SEMA5A: variants seen among roughly 807,000 people sequenced by gnomAD.
The protein encoded by SEMA5A is semaphorin-5A.
Under a neutral mutation model 135.5 loss-of-function variants are expected in SEMA5A, and 55 were observed. That is an observed-to-expected ratio of 0.41 (90% CI 0.33 to 0.51). SEMA5A has a LOEUF of 0.51. Ranked by LOEUF, SEMA5A falls within the 20% of genes least tolerant of loss-of-function variation. The pLI is 0.37. For synonymous variants in SEMA5A, 580 were observed against 546.5 expected (o/e 1.06, Z -0.85); for missense variants, 1,290 against 1,419.9 (o/e 0.91, Z 1.47).
At chr5:9,359,349 T>C (rs1000112555) in intron 3 of SEMA5A, among the ~76,000 whole-genome samples, 5 of 152,236 alleles carry the variant, frequency 3.3e-5, no homozygotes, top group African/African-American at 4.8e-5. Flanking sequence ...AATGGCATAC[T>C]GTATGTAAGG....
intron 1 of SEMA5A, among the ~76,000 whole-genome samples, chr5:9,479,641 G>GGTAA (rs1390106668): frequency 6.6e-6 from 1 of 152,138 alleles, no homozygotes; most frequent in Non-Finnish European, 1.5e-5. Context: ...AACATGATGT[G>GGTAA]GGTAAGATTT....
chr5:9,323,860 C>T (rs1463108761), intron 4 of SEMA5A, among the ~76,000 whole-genome samples: 1 of 151,324 alleles, frequency 6.6e-6, no homozygotes, highest in Non-Finnish European at 1.5e-5. Context: ...CAGGGTTTCA[C>T]CATGTTAGCC....
At chr5:9,265,306 C>A (rs1408206088) in intron 5 of SEMA5A, 12 of 392,198 alleles carry the variant, frequency 3.1e-5, no homozygotes, top group Non-Finnish European at 5.7e-5. Flanking sequence ...AGACAAATAA[C>A]CTCCTTATTA....
intron 9 of SEMA5A, 46 bp from the exon 10 acceptor site, chr5:9,197,349 CACCTGCTG>C (rs763774308): frequency 6.3e-7 from 1 of 1,596,302 alleles, no homozygotes; most frequent in Non-Finnish European, 8.5e-7. Context: ...AGCTCGGCAG[CACCTGCTG>C]ACCTCCCCCT....
intron 8 of SEMA5A, among the ~76,000 whole-genome samples, chr5:9,215,956 C>T (rs1173964640): frequency 5.9e-5 from 9 of 152,034 alleles, no homozygotes; most frequent in Admixed American, 3.3e-4. Context: ...GAGAGATTTG[C>T]CCTTTAAACA....
intron 11 of SEMA5A, among the ~76,000 whole-genome samples, chr5:9,157,818 G>A (rs1806099): frequency 0.55 from 83,381 of 151,632 alleles, 25,615 homozygotes; most frequent in Middle Eastern, 0.76. Context: ...AGACAGAGAT[G>A]GCCCTATAGA....
intron 11 of SEMA5A, among the ~76,000 whole-genome samples, chr5:9,187,202 T>C (rs1462587005): frequency 6.6e-6 from 1 of 151,678 alleles, no homozygotes; most frequent in Middle Eastern, 3.2e-3. Flanking sequence ...ACATAAAGAC[T>C]GTATGTTAAA....
At chr5:9,440,697 C>T (rs1189816055) in intron 1 of SEMA5A, among the ~76,000 whole-genome samples, 1 of 152,230 alleles carries the variant, frequency 6.6e-6, no homozygotes, top group East Asian at 1.9e-4. Flanking sequence ...TTATAACTTA[C>T]TAAGTGCTCA....
chr5:9,517,031 A>T (rs1369940219), intron 1 of SEMA5A: 1 of 152,224 alleles, frequency 6.6e-6, no homozygotes, highest in Non-Finnish European at 1.5e-5. Context: ...AGTGCACTTC[A>T]TGACTATCAT....
intron 12 of SEMA5A, among the ~76,000 whole-genome samples, chr5:9,139,605 T>C (rs961590382): frequency 3.9e-5 from 6 of 152,242 alleles, no homozygotes; most frequent in Admixed American, 2.0e-4. Flanking sequence ...ATCTCTTTCA[T>C]GAGTCATTCA....
At chr5:9,277,027 C>A (rs1390376889) in intron 5 of SEMA5A, among the ~76,000 whole-genome samples, 4 of 152,066 alleles carry the variant, frequency 2.6e-5, no homozygotes, top group Admixed American at 6.5e-5. Flanking sequence ...GAACAGGCAA[C>A]CCAAAGAAAG....
chr5:9,153,067 C>CAAAA (rs1300237290), intron 12 of SEMA5A, among the ~76,000 whole-genome samples: 6 of 59,104 alleles, frequency 1.0e-4, no homozygotes, highest in Admixed American at 4.2e-4. Context: ...GACTCCATTT[C>CAAAA]AGAAAAAAAA....
chr5:9,063,945 A>G (rs1579326456), intron 17 of SEMA5A, among the ~76,000 whole-genome samples: 2 of 152,366 alleles, frequency 1.3e-5, no homozygotes, highest in African/African-American at 2.4e-5. Flanking sequence ...AATACTAAAA[A>G]GTATTCAATA....
chr5:9,527,192 G>A (rs566371385), intron 1 of SEMA5A, among the ~76,000 whole-genome samples: 4 of 152,212 alleles, frequency 2.6e-5, no homozygotes, highest in Admixed American at 2.6e-4. Context: ...GGCCTTGGGT[G>A]GAAGGATGCA....
chr5:9,102,977 G>A (rs1247923899), intron 16 of SEMA5A, among the ~76,000 whole-genome samples: 15 of 152,214 alleles, frequency 9.9e-5, no homozygotes, highest in Non-Finnish European at 1.5e-5. Context: ...TACGACTGGA[G>A]CTAAACAAAT....
At chr5:9,197,378 C>G (rs1745453461) in intron 9 of SEMA5A, 75 bp from the exon 10 acceptor site, 2 of 1,544,382 alleles carry the variant, frequency 1.3e-6, no homozygotes, top group South Asian at 2.4e-5. Flanking sequence ...ATGGACTGGG[C>G]AGCAGCTGTG....
At chr5:9,049,710 G>A (rs1238047212) in intron 21 of SEMA5A, among the ~76,000 whole-genome samples, 1 of 152,178 alleles carries the variant, frequency 6.6e-6, no homozygotes, top group Non-Finnish European at 1.5e-5. Flanking sequence ...GGCGGACATG[G>A]GCTGTTCCTT....
At chr5:9,164,094 CATATAAATATTTATATAATT>C (rs1743457670) in intron 11 of SEMA5A, among the ~76,000 whole-genome samples, 1 of 10,952 alleles carries the variant, frequency 9.1e-5, no homozygotes, top group Admixed American at 1.3e-3. Context: ...ATAAATATAT[CATATAAATATTTATATAATT>C]ATAAATATAT....
At chr5:9,412,822 G>A (rs569169851) in intron 2 of SEMA5A, among the ~76,000 whole-genome samples, 4 of 152,216 alleles carry the variant, frequency 2.6e-5, no homozygotes, top group African/African-American at 7.2e-5. Context: ...TTTTCCACCT[G>A]TGGTATCATC....
Sources: allele counts gnomAD v4.1 joint callset (sites outside exome capture counted in the v4.1 genomes callset), GRCh38; gene constraint gnomAD v4.1.1; transcripts MANE v1.5; gene names NCBI Gene and HGNC (gene_info 2026-07-23, HGNC 2026-07-21).